EYS: variants seen among roughly 807,000 people sequenced by gnomAD.
The protein encoded by EYS is EGF-like photoreceptor maintenance factor.
EYS carries 250 observed loss-of-function variants against 282.1 expected under a neutral mutation model. The observed-to-expected ratio is 0.89, with a 90% confidence interval of 0.80 to 0.98. The LOEUF (loss-of-function observed/expected upper bound fraction) is 0.98, where lower values mean the gene tolerates loss of function less well. Among genes scored for constraint, EYS ranks in the 50% least tolerant of loss-of-function variants. The pLI is 0.00. For synonymous variants in EYS, 1,355 were observed against 1,282.9 expected (o/e 1.06, Z -1.20); for missense variants, 4,016 against 3,709.0 (o/e 1.08, Z -2.15).
intron 2 of EYS, among the ~76,000 whole-genome samples, chr6:65,544,343 C>T (rs1015486371): frequency 6.6e-6 from 1 of 152,236 alleles, no homozygotes; most frequent in Non-Finnish European, 1.5e-5. Flanking sequence ...TGGCCGGTAA[C>T]TTTGGCTAAA....
chr6:63,919,878 C>T (rs1314181203), intron 35 of EYS, among the ~76,000 whole-genome samples: 1 of 152,250 alleles, frequency 6.6e-6, no homozygotes, highest in Non-Finnish European at 1.5e-5. Context: ...AGTCCGACTG[C>T]CACATTCCCA....
intron 35 of EYS, among the ~76,000 whole-genome samples, chr6:63,959,504 A>C (rs1035268840): frequency 6.6e-6 from 1 of 152,194 alleles, no homozygotes; most frequent in African/African-American, 2.4e-5. Flanking sequence ...CAGCAATCCC[A>C]TTATTGGGTA....
chr6:65,687,437 C>T (rs913366020), intron 1 of EYS, among the ~76,000 whole-genome samples: 27 of 151,902 alleles, frequency 1.8e-4, no homozygotes, highest in African/African-American at 4.4e-4. Context: ...CCTACTTTTC[C>T]GCCTTTTGTA....
chr6:65,624,282 A>G (rs1243617841), intron 2 of EYS, among the ~76,000 whole-genome samples: 1 of 152,148 alleles, frequency 6.6e-6, no homozygotes, highest in East Asian at 1.9e-4. Context: ...TGGGGTTGGC[A>G]GTTTTGCCCC....
At chr6:63,878,395 G>T (rs1352466314) in intron 35 of EYS, among the ~76,000 whole-genome samples, 1 of 152,326 alleles carries the variant, frequency 6.6e-6, no homozygotes, top group Admixed American at 6.5e-5. Context: ...TTACTGGGAG[G>T]TGTCTTCCAG....
At chr6:64,167,599 T>C (rs888946656) in intron 31 of EYS, among the ~76,000 whole-genome samples, 1 of 152,166 alleles carries the variant, frequency 6.6e-6, no homozygotes, top group Non-Finnish European at 1.5e-5. Context: ...TCTGACTTTC[T>C]GACTTACAGG....
chr6:64,135,209 G>A (rs1774119029), intron 31 of EYS, among the ~76,000 whole-genome samples: 1 of 144,420 alleles, frequency 6.9e-6, no homozygotes, highest in African/African-American at 2.9e-5. Context: ...AACAGTAGTG[G>A]TGCTTTTTTT....
intron 36 of EYS, among the ~76,000 whole-genome samples, chr6:63,810,012 C>T (rs9351014): frequency 1.3e-5 from 2 of 149,184 alleles, no homozygotes; most frequent in African/African-American, 4.9e-5. Context: ...GAGGCCGAGG[C>T]GGGTGGATCA....
At chr6:65,652,529 A>C (rs1171152370) in intron 1 of EYS, among the ~76,000 whole-genome samples, 1 of 152,014 alleles carries the variant, frequency 6.6e-6, no homozygotes, top group African/African-American at 2.4e-5. Flanking sequence ...TTCAAATCAC[A>C]GAAAGGACTG....
chr6:64,878,216 A>G (rs985201272), intron 19 of EYS, among the ~76,000 whole-genome samples: 1 of 152,038 alleles, frequency 6.6e-6, no homozygotes, highest in Non-Finnish European at 1.5e-5. Flanking sequence ...CAACAGCGAG[A>G]CTCCATCGGA....
intron 12 of EYS, among the ~76,000 whole-genome samples, chr6:65,182,603 A>C (rs1765418178): frequency 6.6e-6 from 1 of 151,890 alleles, no homozygotes; most frequent in Non-Finnish European, 1.5e-5. Flanking sequence ...ACACACACTC[A>C]ATCATAATTT....
chr6:63,982,974 T>C (rs1011124840), intron 35 of EYS, among the ~76,000 whole-genome samples: 4 of 151,832 alleles, frequency 2.6e-5, no homozygotes, highest in African/African-American at 9.7e-5. Flanking sequence ...TTGCACGTTC[T>C]TCTATGGGGT....
rs115449905 is a variant in EYS, at chr6:63,980,361, C to G, written c.7055+4022G>C. On this transcript the variant is annotated intron_variant, in intron 35 of 42. Coordinates refer to ENST00000503581, the MANE Select transcript of EYS (RefSeq NM_001142800.2). ...CCAACCTTTCAATTAGAGTCCTGGCCTAGAACAATTAAACTGTGATGAGAA... is the reference window on the plus strand; with the variant it reads ...CCAACCTTTCAATTAGAGTCCTGGCGTAGAACAATTAAACTGTGATGAGAA... Among the ~76,000 whole-genome samples the G allele has an allele frequency of 2.6e-5, 4 of 151,662 alleles. No homozygotes were observed. In the East Asian group the frequency reaches 7.8e-4, roughly 30 times the overall value.
At position 64,998,320 on chromosome 6, in the gene EYS, T is replaced by G. The variant is rs147834194; in HGVS notation, c.2138-617A>C. On this transcript the variant is annotated intron_variant, in intron 13 of 42. Coordinates refer to ENST00000503581, the MANE Select transcript of EYS (RefSeq NM_001142800.2). Reference sequence around the variant, plus strand: ...GAAGTAGTGACAGTATGAATTGCAGTTGGAGCAGGCACCAATTTATAACTA... The same window carrying G: ...GAAGTAGTGACAGTATGAATTGCAGGTGGAGCAGGCACCAATTTATAACTA... Among the ~76,000 whole-genome samples the G allele has an allele frequency of 7.7e-4, 118 of 152,312 alleles. No homozygotes were observed. In the East Asian group the frequency reaches 0.02, roughly 26 times the overall value.
chr6:64,094,099 T>C (rs1317252264), intron 31 of EYS, among the ~76,000 whole-genome samples: 1 of 152,210 alleles, frequency 6.6e-6, no homozygotes, highest in Non-Finnish European at 1.5e-5. Context: ...ATCCCAGGGA[T>C]GAAGCCCACT....
chr6:64,784,934 C>A (rs1255280606), intron 22 of EYS, among the ~76,000 whole-genome samples: 1 of 152,036 alleles, frequency 6.6e-6, no homozygotes, highest in African/African-American at 2.4e-5. Context: ...TGGGAGAACA[C>A]AAGATGTCTT....
At chr6:65,063,966 T>A (rs2150161206) in intron 12 of EYS, among the ~76,000 whole-genome samples, 1 of 151,690 alleles carries the variant, frequency 6.6e-6, no homozygotes, top group Admixed American at 6.6e-5. Flanking sequence ...CTCCTAGACT[T>A]TATTATTAAT....
At chr6:65,247,612 CA>C (rs1767212248) in intron 12 of EYS, among the ~76,000 whole-genome samples, 1 of 151,970 alleles carries the variant, frequency 6.6e-6, no homozygotes, top group African/African-American at 2.4e-5. Flanking sequence ...GGGGAGAAAA[CA>C]TATTCTCTTT....
intron 37 of EYS, among the ~76,000 whole-genome samples, chr6:63,793,710 C>A (rs770317062): frequency 6.6e-6 from 1 of 152,246 alleles, no homozygotes; most frequent in East Asian, 1.9e-4. Context: ...GTACCTTTAA[C>A]GGCATTTCTC....
Sources: gnomAD v4.1 joint callset for allele counts (sites outside exome capture counted in the v4.1 genomes callset) on GRCh38, gnomAD v4.1.1 for gene constraint, MANE v1.5 for transcripts, NCBI Gene and HGNC (gene_info 2026-07-23, HGNC 2026-07-21) for gene names.